FAM184B: variants seen among roughly 807,000 people sequenced by gnomAD.
FAM184B encodes protein FAM184B.
A neutral mutation model predicts 135.9 loss-of-function variants in FAM184B; 111 were observed. The observed-to-expected ratio is 0.82, with a 90% CI of 0.70 to 0.96. The LOEUF (loss-of-function observed/expected upper bound fraction) is 0.96. Ranked by LOEUF, FAM184B falls within the 40% of genes least tolerant of loss-of-function variation. The pLI is 0.00. For missense variants in FAM184B, 1,375 were observed against 1,323.9 expected, an observed-to-expected ratio of 1.04 and a Z score of -0.60; for synonymous variants, 552 against 524.8, an observed-to-expected ratio of 1.05 and a Z score of -0.71.
At chr4:17,659,632 G>A (rs370623351) in intron 9 of FAM184B, among the ~76,000 whole-genome samples, 14 of 152,042 alleles carry the variant, frequency 9.2e-5, no homozygotes, top group African/African-American at 3.1e-4. Context: ...GATTACAGGC[G>A]CCCGCCACAT....
intron 8 of FAM184B, among the ~76,000 whole-genome samples, chr4:17,661,586 A>G (rs1715922388): frequency 6.6e-6 from 1 of 152,196 alleles, no homozygotes; most frequent in Non-Finnish European, 1.5e-5. Context: ...GTACATATTA[A>G]AAGAGAGAAG....
intron 1 of FAM184B, among the ~76,000 whole-genome samples, chr4:17,727,364 G>A (rs1257032431): frequency 6.6e-6 from 1 of 152,218 alleles, no homozygotes; most frequent in African/African-American, 2.4e-5. Context: ...TCCCTCTCAA[G>A]CAGTGTGAAC....
chr4:17,709,930 C>A (rs1244355072), intron 1 of FAM184B, among the ~76,000 whole-genome samples: 1 of 152,154 alleles, frequency 6.6e-6, no homozygotes, highest in Non-Finnish European at 1.5e-5. Context: ...CTCTGTAGTA[C>A]AGTGGGAATC....
At chr4:17,684,107 G>GTATAAAATAATTATA (rs796578361) in intron 7 of FAM184B, among the ~76,000 whole-genome samples, 1 of 39,156 alleles carries the variant, frequency 2.6e-5, no homozygotes, top group Admixed American at 4.3e-4. Flanking sequence ...TTATATTATA[G>GTATAAAATAATTATA]TATAAAATAA....
At chr4:17,756,340 A>G (rs1718420062) in intron 1 of FAM184B, among the ~76,000 whole-genome samples, 1 of 152,228 alleles carries the variant, frequency 6.6e-6, no homozygotes, top group Non-Finnish European at 1.5e-5. Context: ...ACCAAAAATT[A>G]GTCAATTTGA....
chr4:17,652,894 T>C lies in FAM184B; in HGVS notation c.2127A>G (p.Glu709=). 1 of 1,551,758 alleles carries C rather than the reference T, an allele frequency of 6.4e-7. No homozygotes were observed. The highest frequency in any genetic ancestry group is 1.4e-5 in the African/African-American group (1 of 73,180). ...THRLELQALE[E]KARQELQEER... ...CCTCCTGCAGCTCTTGCCTGGCCTT[T>C]TCCTCCAAGGCCTGGAGCTCCAGTC... Residue 709 remains glutamate (E), a synonymous_variant, in exon 11 of 18, where the codon GAA becomes GAG. Transcript: ENST00000265018.
intron 1 of FAM184B, among the ~76,000 whole-genome samples, chr4:17,720,608 C>T (rs1043635272): frequency 2.0e-5 from 3 of 152,030 alleles, no homozygotes; most frequent in Middle Eastern, 3.4e-3. Context: ...AAACATAGGG[C>T]GAGGCGCGGT....
chr4:17,673,256 T>C lies in FAM184B; in HGVS notation c.1597-8597A>G, dbSNP rs573084750. On this transcript the variant is annotated intron_variant, in intron 7 of 17. Coordinates refer to ENST00000265018, the MANE Select transcript of FAM184B (RefSeq NM_015688.2). Reference sequence around the variant, plus strand: ...CACCTTATTCCTGCAAGAATGGCCATTAAAAAAATAGATATTGGTATAGAT... The same window carrying C: ...CACCTTATTCCTGCAAGAATGGCCACTAAAAAAATAGATATTGGTATAGAT... Among the ~76,000 whole-genome samples, 3 of 152,072 alleles carry C rather than the reference T, an allele frequency of 2.0e-5. No homozygotes were observed. In the East Asian group the frequency reaches 5.8e-4, roughly 29 times the overall value.
At chr4:17,728,570 T>G (rs1717696271) in intron 1 of FAM184B, among the ~76,000 whole-genome samples, 2 of 151,524 alleles carry the variant, frequency 1.3e-5, no homozygotes, top group Admixed American at 1.3e-4. Flanking sequence ...GGTCCTGCAG[T>G]GAAAGCAGGT....
In FAM184B at chr4:17,705,878, A is replaced by T; in HGVS notation, c.1044T>A (p.Thr348=). ...RGTQQTDAMK[T]ELVSENKVLR... is the part of the protein sequence containing the mutation. Reference sequence around the variant, plus strand: ...GGACTTTGTTCTCTGAAACTAACTCAGTCTTCATGGCATCTGCAAGCATAC... The same window carrying T: ...GGACTTTGTTCTCTGAAACTAACTCTGTCTTCATGGCATCTGCAAGCATAC... The change falls in exon 4 of 18, where the codon ACT becomes ACA. Residue 348 remains threonine, a synonymous_variant. Coordinates refer to ENST00000265018, the MANE Select transcript of FAM184B (RefSeq NM_015688.2). The T allele has an allele frequency of 6.4e-7, 1 of 1,552,250 alleles. No homozygotes were observed. The highest frequency in any genetic ancestry group is 8.7e-7 in the Non-Finnish European group (1 of 1,147,122).
At chr4:17,674,061 T>C in intron 7 of FAM184B, among the ~76,000 whole-genome samples, 1 of 152,132 alleles carries the variant, frequency 6.6e-6, no homozygotes, top group Admixed American at 6.6e-5. Context: ...GAAAGGATGC[T>C]AAACAGCAAC....
chr4:17,655,346 C>T (rs1351390512), intron 10 of FAM184B, among the ~76,000 whole-genome samples: 1 of 152,186 alleles, frequency 6.6e-6, no homozygotes. Flanking sequence ...CTCTCCATCC[C>T]TGGGGGCAAG....
Position 17,781,450 on chromosome 4 carries a change from C to T in FAM184B, c.-151G>A. 2 of 967,298 alleles carry T rather than the reference C, an allele frequency of 2.1e-6. No individual in the cohort carries two copies. The highest frequency in any genetic ancestry group is 2.3e-5 in the South Asian group (1 of 43,538). The allele number at this position is 967,298 out of a possible 1,614,324, so 59.9% of individuals were successfully genotyped here. A position where few individuals can be genotyped will look rare whatever the true frequency, so the allele number is the denominator to read the frequency against. ...CTGCACCGCCGCGTGGCCCCAGCTT[C>T]CCGAAGGTCTCCGCCTCCCGGGCCC... On this transcript the variant is annotated 5_prime_UTR_variant, in exon 1 of 18. Coordinates refer to ENST00000265018, the MANE Select transcript of FAM184B (RefSeq NM_015688.2). The surrounding 1 kb of genome is among the most constrained non-coding windows in gnomAD (Gnocchi z 6.5).
chr4:17,642,930 C>T (rs1421928175), intron 12 of FAM184B, among the ~76,000 whole-genome samples: 1 of 148,714 alleles, frequency 6.7e-6, no homozygotes, highest in Non-Finnish European at 1.5e-5. Flanking sequence ...TCAAACATGC[C>T]CGACCACTTG....
intron 5 of FAM184B, among the ~76,000 whole-genome samples, chr4:17,697,565 T>G (rs890635937): frequency 1.3e-5 from 2 of 152,212 alleles, no homozygotes; most frequent in Admixed American, 6.5e-5. Flanking sequence ...TAAGCAATCA[T>G]CAGCAGCAAG....
chr4:17,684,084 A>G (rs28480159), intron 7 of FAM184B, among the ~76,000 whole-genome samples: 8 of 116,558 alleles, frequency 6.9e-5, no homozygotes, highest in Non-Finnish European at 6.9e-5. Context: ...AATAATAATA[A>G]TAGTAATTAC....
intron 12 of FAM184B, among the ~76,000 whole-genome samples, chr4:17,646,907 AAG>A (rs1715482410): frequency 6.6e-6 from 1 of 151,904 alleles, no homozygotes; most frequent in Non-Finnish European, 1.5e-5. Context: ...AGGAAGAGGA[AAG>A]AGAGTTGGCA....
chr4:17,770,518 C>T (rs1718795816), intron 1 of FAM184B, among the ~76,000 whole-genome samples: 1 of 152,150 alleles, frequency 6.6e-6, no homozygotes, highest in Non-Finnish European at 1.5e-5. Context: ...GGCTGGAGTG[C>T]AGTGGCGAAA....
At chr4:17,702,319 C>A (rs1560180250) in intron 5 of FAM184B, among the ~76,000 whole-genome samples, 1 of 152,114 alleles carries the variant, frequency 6.6e-6, no homozygotes, top group Non-Finnish European at 1.5e-5. Context: ...CATCTGCACC[C>A]CTTCCCTAGG....
Sources: gnomAD v4.1 joint callset for allele counts (sites outside exome capture counted in the v4.1 genomes callset) on GRCh38, gnomAD v4.1.1 for gene constraint, Gnocchi (gnomAD v3.1) non-coding constraint, MANE v1.5 for transcripts, NCBI Gene and HGNC (gene_info 2026-07-23, HGNC 2026-07-21) for gene names.